The following ADAM12 variants were observed in gnomAD, a reference collection of about 807,000 sequenced individuals.
The protein encoded by ADAM12 is ADAM metallopeptidase domain 12.
Under a neutral mutation model 106.4 loss-of-function variants are expected in ADAM12, and 70 were observed. That is an observed-to-expected ratio of 0.66 (90% CI 0.54 to 0.80). The LOEUF (loss-of-function observed/expected upper bound fraction) is 0.80, where lower values mean the gene tolerates loss of function less well. ADAM12 is among the 30% of genes least tolerant of loss of function. The pLI is 0.00. For synonymous variants in ADAM12, 420 were observed against 433.5 expected (o/e 0.97, Z 0.39); for missense variants, 1,010 against 1,171.9 (o/e 0.86, Z 2.02).
intron 17 of ADAM12, among the ~76,000 whole-genome samples, chr10:126,044,040 T>G (rs542536952): frequency 1.8e-4 from 28 of 152,294 alleles, no homozygotes; most frequent in Admixed American, 1.8e-3. Context: ...TCCATGCTGG[T>G]TGGACTCGCT....
chr10:126,229,079 A>G (rs1325883553), intron 3 of ADAM12, among the ~76,000 whole-genome samples: 1 of 152,210 alleles, frequency 6.6e-6, no homozygotes, highest in African/African-American at 2.4e-5. Flanking sequence ...CGCTAATGGA[A>G]ACACTTCTGC....
At chr10:126,274,426 A>C (rs1465861702) in intron 3 of ADAM12, among the ~76,000 whole-genome samples, 1 of 152,282 alleles carries the variant, frequency 6.6e-6, no homozygotes, top group African/African-American at 2.4e-5. Context: ...TGCAGGTCTC[A>C]TTCACAAGAA....
intron 3 of ADAM12, among the ~76,000 whole-genome samples, chr10:126,277,189 AT>A (rs1812367576): frequency 6.6e-6 from 1 of 152,222 alleles, no homozygotes; most frequent in Non-Finnish European, 1.5e-5. Flanking sequence ...TTTTTAAAAA[AT>A]GTTAGGGTTA....
In ADAM12 at chr10:126,220,887, G is replaced by A. The variant is rs543029287; in HGVS notation, c.260+58028C>T. 1.8e-3 allele frequency among the ~76,000 whole-genome samples: 281 copies of A among 152,364 alleles called. 1 individual carries two copies. The highest frequency in any genetic ancestry group is 5.9e-3 in the African/African-American group (245 of 41,590). On this transcript the variant is annotated intron_variant, in intron 3 of 22. Coordinates refer to ENST00000448723, the MANE Select transcript of ADAM12 (RefSeq NM_001288973.2). ...GGGCACCTGTGGGTTCCTGGGATCA[G>A]TGCCTTGGGGCAGGGAAACCCGCAT...
intron 3 of ADAM12, among the ~76,000 whole-genome samples, chr10:126,220,909 G>T (rs1055558147): frequency 6.6e-6 from 1 of 152,232 alleles, no homozygotes; most frequent in Non-Finnish European, 1.5e-5. Flanking sequence ...AGGGAAACCC[G>T]CATCTCCAGC....
chr10:126,085,511 ATCTATCTATCCATTATCTGTCCATT>A (rs1442684409), intron 11 of ADAM12, among the ~76,000 whole-genome samples: 2 of 147,528 alleles, frequency 1.4e-5, no homozygotes, highest in African/African-American at 2.6e-5. Context: ...CCATTGTACC[ATCTATCTATCCATTATCTGTCCATT>A]TCTATCTATC....
rs1016488060 is a variant in ADAM12 at position 126,159,080 on chromosome 10, C to A, written c.261-3775G>T. ...ATCCCAGCACTTTGGGAGGCCAAGGCGGGCAGATCACGAGGTCAGGAGATC... is the reference window on the plus strand; with the variant it reads ...ATCCCAGCACTTTGGGAGGCCAAGGAGGGCAGATCACGAGGTCAGGAGATC... On this transcript the variant is annotated intron_variant, in intron 3 of 22. Transcript: ENST00000448723. Among the ~76,000 whole-genome samples, 8 of 152,090 alleles carry A rather than the reference C, an allele frequency of 5.3e-5. No homozygotes were observed. In the East Asian group the frequency reaches 1.2e-3, roughly 22 times the overall value.
intron 3 of ADAM12, among the ~76,000 whole-genome samples, chr10:126,178,610 C>G (rs1298480834): frequency 6.6e-6 from 1 of 151,622 alleles, no homozygotes; most frequent in African/African-American, 2.4e-5. Context: ...AAACAGGCTT[C>G]AGAGAGAAAA....
chr10:126,155,786 C>A (rs1956804622), intron 3 of ADAM12, among the ~76,000 whole-genome samples: 1 of 152,134 alleles, frequency 6.6e-6, no homozygotes, highest in Non-Finnish European at 1.5e-5. Context: ...GGCTCCCCCG[C>A]AGGTGAGAGA....
intron 3 of ADAM12, among the ~76,000 whole-genome samples, chr10:126,201,937 C>T (rs1195187248): frequency 5.3e-5 from 8 of 152,172 alleles, no homozygotes; most frequent in South Asian, 2.1e-4. Flanking sequence ...GCAACGTTGT[C>T]GTTCACATAA....
chr10:126,109,747 A>G (rs746962684), intron 7 of ADAM12, 28 bp downstream of exon 7: 54 of 1,600,438 alleles, frequency 3.4e-5, no homozygotes, highest in South Asian at 1.1e-5. Flanking sequence ...CTAACCAACC[A>G]TACTGAGAAA....
intron 1 of ADAM12, among the ~76,000 whole-genome samples, chr10:126,379,911 C>G (rs1194771829): frequency 1.3e-5 from 2 of 152,138 alleles, no homozygotes; most frequent in East Asian, 3.9e-4. Flanking sequence ...CTCACCATGC[C>G]TGCTAGGGGA....
chr10:126,171,596 C>A (rs182036461), intron 3 of ADAM12, among the ~76,000 whole-genome samples: 1 of 152,308 alleles, frequency 6.6e-6, no homozygotes, highest in Non-Finnish European at 1.5e-5. Flanking sequence ...ACCGCTAAGT[C>A]TCCACGGTGT....
chr10:126,038,635 G>GTCTT (rs1205831922), intron 19 of ADAM12, among the ~76,000 whole-genome samples: 2 of 152,172 alleles, frequency 1.3e-5, no homozygotes, highest in Non-Finnish European at 2.9e-5. Context: ...CAGCGATAAT[G>GTCTT]TCTTTGAATA....
At chr10:126,027,282 A>G (rs11819730) in intron 21 of ADAM12, among the ~76,000 whole-genome samples, 1,836 of 152,248 alleles carry the variant, frequency 0.012, 42 homozygotes, top group African/African-American at 0.042. Flanking sequence ...TCACAGCTGA[A>G]CTCTACAAGA....
chr10:126,286,578 G>T lies in ADAM12; in HGVS notation c.187-7590C>A, dbSNP rs533976569. On this transcript the variant is annotated intron_variant, in intron 2 of 22. Transcript: ENST00000448723. ...ACGGGGCACGAGGGAGTCATTTATTGCTATGAATATTTAGAGGCAATCTTG... is the reference window on the plus strand; with the variant it reads ...ACGGGGCACGAGGGAGTCATTTATTTCTATGAATATTTAGAGGCAATCTTG... 2.0e-5 allele frequency among the ~76,000 whole-genome samples: 3 copies of T among 152,322 alleles called. No individual in the cohort carries two copies. The South Asian group carries it at 6.2e-4, about 32-fold the overall frequency.
chr10:126,180,909 G>A (rs1278377), intron 3 of ADAM12, among the ~76,000 whole-genome samples: 98,041 of 152,112 alleles, frequency 0.64, 34,297 homozygotes, highest in African/African-American at 0.91. Flanking sequence ...ACATTCTAGA[G>A]GAGGAAGAAG....
chr10:126,381,406 C>A (rs140177208), intron 1 of ADAM12, among the ~76,000 whole-genome samples: 1 of 151,868 alleles, frequency 6.6e-6, no homozygotes, highest in Non-Finnish European at 1.5e-5. Flanking sequence ...TGGGGGGCTG[C>A]GGCAGGAGGA....
At chr10:126,041,976 G>A in intron 18 of ADAM12, 2 of 1,430,834 alleles carry the variant, frequency 1.4e-6, no homozygotes, top group African/African-American at 1.4e-5. Context: ...TGGTAGGCTG[G>A]ACTTCCCCTC....
Sources: allele counts gnomAD v4.1 joint callset (sites outside exome capture counted in the v4.1 genomes callset), GRCh38; gene constraint gnomAD v4.1.1; transcripts MANE v1.5; gene names NCBI Gene and HGNC (gene_info 2026-07-23, HGNC 2026-07-21).